The following LYN variants were observed in gnomAD, a reference collection of about 807,000 sequenced individuals.
LYN encodes the protein LYN proto-oncogene, Src family tyrosine kinase, also known as tyrosine-protein kinase Lyn.
LYN carries 12 observed loss-of-function variants against 65.0 expected under a neutral mutation model. The observed-to-expected ratio is 0.18, with a 90% CI of 0.12 to 0.30. The LOEUF is 0.30. LYN is among the 10% of genes least tolerant of loss of function. The pLI is 1.00. For synonymous variants in LYN, 222 were observed against 221.2 expected, an observed-to-expected ratio of 1.00 and a Z score of -0.03; for missense variants, 380 against 623.2, an observed-to-expected ratio of 0.61 and a Z score of 4.16.
intron 1 of LYN, among the ~76,000 whole-genome samples, chr8:55,908,771 G>T (rs1805501165): frequency 6.6e-6 from 1 of 151,492 alleles, no homozygotes; most frequent in East Asian, 2.0e-4. Flanking sequence ...AGTCTCCATT[G>T]CCTGTCATTC....
intron 2 of LYN, among the ~76,000 whole-genome samples, chr8:55,942,970 A>G (rs1402248176): frequency 6.6e-6 from 1 of 152,170 alleles, no homozygotes; most frequent in Non-Finnish European, 1.5e-5. Context: ...GTCATCTGTT[A>G]TTTTAGTGAA....
At chr8:55,930,787 C>T (rs1031784583) in intron 1 of LYN, among the ~76,000 whole-genome samples, 5 of 152,144 alleles carry the variant, frequency 3.3e-5, no homozygotes, top group African/African-American at 1.2e-4. Context: ...TGGCTTCATT[C>T]CGGTCATACC....
intron 1 of LYN, among the ~76,000 whole-genome samples, chr8:55,921,192 C>T (rs746806908): frequency 9.9e-5 from 15 of 152,142 alleles, no homozygotes; most frequent in East Asian, 1.9e-4. Context: ...TATTCTATTA[C>T]GGAATTGCTG....
intron 10 of LYN, among the ~76,000 whole-genome samples, chr8:55,981,403 A>G (rs1807916940): frequency 1.3e-5 from 2 of 152,232 alleles, no homozygotes; most frequent in Non-Finnish European, 2.9e-5. Flanking sequence ...TTGGATGACT[A>G]TACTGGCCAC....
At chr8:55,928,540 T>C (rs72651483) in intron 1 of LYN, among the ~76,000 whole-genome samples, 17,145 of 152,274 alleles carry the variant, frequency 0.11, 1,240 homozygotes, top group Middle Eastern at 0.29. Flanking sequence ...TTTGGTGAGG[T>C]GTCTATTCAG....
intron 10 of LYN, 73 bp downstream of exon 10, chr8:55,969,866 T>C (rs1266023550): frequency 9.5e-6 from 11 of 1,163,066 alleles, no homozygotes; most frequent in East Asian, 2.3e-5. Context: ...ATGAAGGAGT[T>C]ATTGTTCCAG....
chr8:55,991,742 G>A (rs1808255959), intron 10 of LYN, among the ~76,000 whole-genome samples: 1 of 152,144 alleles, frequency 6.6e-6, no homozygotes, highest in Non-Finnish European at 1.5e-5. Context: ...TCAGAGTTTT[G>A]GTCATGGTGC....
chr8:56,002,078 C>T (rs1310802127), intron 12 of LYN, among the ~76,000 whole-genome samples: 1 of 152,036 alleles, frequency 6.6e-6, no homozygotes, highest in African/African-American at 2.4e-5. Context: ...GTCAGGAGTT[C>T]GAGACCAGCC....
chr8:55,974,929 G>A (rs575049112), intron 10 of LYN, among the ~76,000 whole-genome samples: 3 of 152,238 alleles, frequency 2.0e-5, no homozygotes, highest in South Asian at 2.1e-4. Flanking sequence ...GGTTTAACCA[G>A]GAGGCCAGAT....
chr8:56,000,222 T>C (rs1446281410), intron 12 of LYN, among the ~76,000 whole-genome samples: 1 of 152,314 alleles, frequency 6.6e-6, no homozygotes, highest in African/African-American at 2.4e-5. Context: ...GGATTTCCGA[T>C]GCTTGGTTTT....
intron 10 of LYN, among the ~76,000 whole-genome samples, chr8:55,978,785 A>G (rs1360886143): frequency 6.6e-6 from 1 of 152,144 alleles, no homozygotes; most frequent in East Asian, 1.9e-4. Flanking sequence ...GCGACAGGGA[A>G]GTCTTTGAGA....
At position 56,013,351 on chromosome 8, in the gene LYN, T is replaced by A. The variant is rs1808866737; in HGVS notation, c.*3241T>A. Reference sequence around the variant, plus strand: ...GGTGCGATCTCAGCTCATTGCAACCTCCCCCTCTCTGGTTGGAGCGATTCT... The same window carrying A: ...GGTGCGATCTCAGCTCATTGCAACCACCCCCTCTCTGGTTGGAGCGATTCT... On this transcript the variant is annotated 3_prime_UTR_variant, in exon 13 of 13. Transcript: ENST00000519728. The A allele has an allele frequency of 6.7e-6, 1 of 148,834 alleles. No homozygotes were observed. The highest frequency in any genetic ancestry group is 6.7e-5 in the Admixed American group (1 of 14,864). The allele number at this position is 148,834 out of a possible 1,614,324, so 9.2% of individuals were successfully genotyped here.
intron 1 of LYN, among the ~76,000 whole-genome samples, chr8:55,939,462 AAGAGAGAG>A (rs111951441): frequency 6.7e-6 from 1 of 148,250 alleles, no homozygotes; most frequent in Non-Finnish European, 1.5e-5. Context: ...TTCCCAAGAG[AAGAGAGAG>A]AGAGAGAGAG....
At chr8:55,950,295 T>A (rs1806903471) in intron 4 of LYN, among the ~76,000 whole-genome samples, 164 bp from the exon 5 acceptor site, 1 of 152,220 alleles carries the variant, frequency 6.6e-6, no homozygotes, top group South Asian at 2.1e-4. Flanking sequence ...AGGAGTATAG[T>A]TGCTGGGTCC....
At chr8:55,886,731 C>T (rs1217447232) in intron 1 of LYN, among the ~76,000 whole-genome samples, 1 of 152,166 alleles carries the variant, frequency 6.6e-6, no homozygotes, top group African/African-American at 2.4e-5. Context: ...CCAGCTCCAT[C>T]AGAGTTTGTT....
chr8:55,888,716 A>G (rs1253721630), intron 1 of LYN, among the ~76,000 whole-genome samples: 1 of 152,164 alleles, frequency 6.6e-6, no homozygotes, highest in African/African-American at 2.4e-5. Flanking sequence ...AGATACAGTA[A>G]TGGGCACAAT....
chr8:55,962,999 G>A (rs1006341369), intron 8 of LYN, among the ~76,000 whole-genome samples: 2 of 152,326 alleles, frequency 1.3e-5, no homozygotes, highest in South Asian at 2.1e-4. Context: ...TCTTTACCAC[G>A]GGGATGGCCC....
At chr8:56,009,384 C>T (rs531518083) in intron 12 of LYN, among the ~76,000 whole-genome samples, 2 of 152,298 alleles carry the variant, frequency 1.3e-5, no homozygotes, top group South Asian at 2.1e-4. Context: ...ATTTCCTTAG[C>T]TTCTATATTA....
At chr8:55,978,851 T>C (rs935201952) in intron 10 of LYN, among the ~76,000 whole-genome samples, 2 of 152,060 alleles carry the variant, frequency 1.3e-5, no homozygotes, top group African/African-American at 4.8e-5. Context: ...GCCCTTGGCC[T>C]CTCTCCCTCT....
Sources: gnomAD v4.1 joint callset for allele counts (sites outside exome capture counted in the v4.1 genomes callset) on GRCh38, gnomAD v4.1.1 for gene constraint, MANE v1.5 for transcripts, NCBI Gene and HGNC (gene_info 2026-07-23, HGNC 2026-07-21) for gene names.